KCNMB1: variants seen among roughly 807,000 people sequenced by gnomAD.
KCNMB1 encodes the protein potassium calcium-activated channel subfamily M regulatory beta subunit 1.
Under a neutral mutation model 21.7 loss-of-function variants are expected in KCNMB1, and 22 were observed. The ratio of observed to expected loss-of-function variants is 1.01; its 90% CI spans 0.72 to 1.45. The LOEUF is 1.45. KCNMB1 is among the 40% of genes most tolerant of loss of function. The probability of loss-of-function intolerance (pLI) is 0.00; values close to 1 mark genes in which losing one functional copy is unlikely to be tolerated. For missense variants in KCNMB1, 243 were observed against 243.4 expected (o/e 1.00, Z 0.01); for synonymous variants, 114 against 107.6 (o/e 1.06, Z -0.37).
At position 170,375,518 on chromosome 5, in the gene KCNMB1, C is replaced by CT. The variant is rs1449644529; in HGVS notation, c.*3185dup. 1 of 152,966 alleles carries CT rather than the reference C, an allele frequency of 6.5e-6. No homozygotes were observed. Among genetic ancestry groups the CT allele is most frequent in the East Asian group, 1.9e-4 (1 of 5,224 alleles). The allele number at this position is 152,966 out of a possible 1,614,324, so 9.5% of individuals were successfully genotyped here. A position where few individuals can be genotyped will look rare whatever the true frequency, so the allele number is the denominator to read the frequency against. On this transcript the variant is annotated 3_prime_UTR_variant, in exon 4 of 4. Transcript: ENST00000274629. ...GCAGCTCCCTGCCTGGCCCCTGTGG[C>CT]TTTGAGTGGCTGTGTCCCTCAGCCC...
chr5:170,387,388 T>C (rs567285421), intron 1 of KCNMB1, among the ~76,000 whole-genome samples: 2 of 152,268 alleles, frequency 1.3e-5, no homozygotes, highest in South Asian at 4.1e-4. Context: ...GTTTCAAATA[T>C]TCAGAGATTC....
chr5:170,388,054 T>G (rs1764557289), intron 1 of KCNMB1, among the ~76,000 whole-genome samples: 1 of 152,234 alleles, frequency 6.6e-6, no homozygotes, highest in Non-Finnish European at 1.5e-5. Flanking sequence ...CCTCCTCTGC[T>G]ATTTGGCTTC....
intron 2 of KCNMB1, among the ~76,000 whole-genome samples, chr5:170,384,406 T>C (rs1764381569): frequency 6.6e-6 from 1 of 152,156 alleles, no homozygotes; most frequent in African/African-American, 2.4e-5. Flanking sequence ...GGGGTTTGAG[T>C]TGAGCCAGGA....
intron 3 of KCNMB1, among the ~76,000 whole-genome samples, chr5:170,382,234 C>T (rs1764272374): frequency 6.6e-6 from 1 of 152,184 alleles, no homozygotes; most frequent in Non-Finnish European, 1.5e-5. Flanking sequence ...CCATTGCCAA[C>T]AGCAATAATT....
chr5:170,388,545 G>C (rs1239078714), intron 1 of KCNMB1, among the ~76,000 whole-genome samples: 1 of 152,236 alleles, frequency 6.6e-6, no homozygotes, highest in African/African-American at 2.4e-5. Flanking sequence ...TGAGATCTGG[G>C]ATAGATTCAG....
chr5:170,388,506 G>A (rs1475290923), intron 1 of KCNMB1, among the ~76,000 whole-genome samples: 2 of 152,202 alleles, frequency 1.3e-5, no homozygotes, highest in Non-Finnish European at 2.9e-5. Context: ...GAAGTTCCAG[G>A]ATATATCTTC....
chr5:170,383,587 C>T, intron 3 of KCNMB1, 92 bp downstream of exon 3: 1 of 1,435,634 alleles, frequency 7.0e-7, no homozygotes, highest in Non-Finnish European at 9.7e-7. Context: ...GTGGGTTGAT[C>T]TTTCTCAGCC....
intron 1 of KCNMB1, among the ~76,000 whole-genome samples, chr5:170,387,989 G>T (rs1185052383): frequency 6.6e-6 from 1 of 152,016 alleles, no homozygotes; most frequent in Non-Finnish European, 1.5e-5. Context: ...ACCTGTGGGG[G>T]CTTCCTGTGG....
At chr5:170,385,794 G>A (rs1025888140) in intron 1 of KCNMB1, among the ~76,000 whole-genome samples, 2 of 152,038 alleles carry the variant, frequency 1.3e-5, no homozygotes, top group African/African-American at 2.4e-5. Context: ...GTTACTTTAT[G>A]TGGCAATGAC....
chr5:170,385,313 C>A lies in KCNMB1; in HGVS notation c.134+1G>T. 1 of 1,614,080 alleles carries A rather than the reference C, an allele frequency of 6.2e-7. No individual in the cohort carries two copies. The highest frequency in any genetic ancestry group is 1.1e-5 in the South Asian group (1 of 91,082). On this transcript the variant is annotated splice_donor_variant, in intron 2 of 3. Transcript: ENST00000274629. LOFTEE classifies it high-confidence loss of function. Reference sequence around the variant, plus strand: ...GTGGGCAGGCCGGGAGAGCTCAGTACCTTTTCTGGTAGAGGGGCAGCACAG... The same window carrying A: ...GTGGGCAGGCCGGGAGAGCTCAGTAACTTTTCTGGTAGAGGGGCAGCACAG...
chr5:170,383,901 C>T, intron 2 of KCNMB1, 51 bp from the exon 3 acceptor site: 1 of 1,579,042 alleles, frequency 6.3e-7, no homozygotes, highest in South Asian at 1.1e-5. Flanking sequence ...CTGGGTGACA[C>T]ACAGAACACC....
intron 1 of KCNMB1, among the ~76,000 whole-genome samples, chr5:170,387,424 GC>G (rs1357121540): frequency 4.5e-4 from 69 of 152,256 alleles, no homozygotes; most frequent in African/African-American, 1.6e-3. Flanking sequence ...TAGCCAGGCT[GC>G]CCTCATACCC....
intron 2 of KCNMB1, 80 bp from the exon 3 acceptor site, chr5:170,383,930 C>G: frequency 6.8e-7 from 1 of 1,468,112 alleles, no homozygotes; most frequent in Non-Finnish European, 9.3e-7. Flanking sequence ...CCCATTATCC[C>G]CTGGGAGCCT....
intron 1 of KCNMB1, among the ~76,000 whole-genome samples, chr5:170,387,266 T>C (rs1034280298): frequency 6.6e-6 from 1 of 152,078 alleles, no homozygotes; most frequent in African/African-American, 2.4e-5. Flanking sequence ...AATAAACATA[T>C]TATGGTTTTT....
At chr5:170,381,141 C>T (rs1311318913) in intron 3 of KCNMB1, among the ~76,000 whole-genome samples, 2 of 152,206 alleles carry the variant, frequency 1.3e-5, no homozygotes, top group African/African-American at 4.8e-5. Context: ...CAGGGTTCCT[C>T]TGGATCTTTT....
Position 170,378,960 on chromosome 5 carries a change from G to A in KCNMB1, c.320C>T (p.Pro107Leu), listed in dbSNP as rs370206070. ...RDQNQQCSYI[P>L]GSVDNYQTAR... ...CGTCTGGTAATTGTCCACGCTGCCT[G>A]GGATGTAGGAGCACTGTGGGGAGAA... is the stretch of plus-strand genomic sequence containing the variant. The change falls in exon 4 of 4, where the codon CCA becomes CTA. Residue 107 changes from proline (P) to leucine (L), a missense_variant. By Grantham distance (98) the Pro-to-Leu change is moderately conservative. Coordinates refer to ENST00000274629, the MANE Select transcript of KCNMB1 (RefSeq NM_004137.4). 95 of 1,613,922 alleles carry A rather than the reference G, an allele frequency of 5.9e-5. No homozygotes were observed. In the Admixed American group the frequency reaches 9.0e-4, roughly 15 times the overall value.
chr5:170,380,810 G>A (rs1250365343), intron 3 of KCNMB1, among the ~76,000 whole-genome samples: 3 of 152,144 alleles, frequency 2.0e-5, no homozygotes, highest in Non-Finnish European at 4.4e-5. Context: ...AGTCAGACAG[G>A]CCTGAGTTCT....
At chr5:170,381,552 T>C (rs1255274924) in intron 3 of KCNMB1, among the ~76,000 whole-genome samples, 4 of 152,194 alleles carry the variant, frequency 2.6e-5, no homozygotes, top group Non-Finnish European at 5.9e-5. Context: ...ACAACCCAGC[T>C]GCTTGGCAAA....
In KCNMB1 at chr5:170,383,934, G is replaced by C. The variant is rs1405952820; in HGVS notation, c.135-84C>G. 4.1e-6 allele frequency: 6 copies of C among 1,448,580 alleles called. No homozygotes were observed. In the African/African-American group the frequency reaches 8.4e-5, roughly 20 times the overall value. The allele number at this position is 1,448,580 out of a possible 1,614,324, so 89.7% of individuals were successfully genotyped here. A position where few individuals can be genotyped will look rare whatever the true frequency, so the allele number is the denominator to read the frequency against. ...ACCCATTTGAACCCATTATCCCCTG[G>C]GAGCCTCTAGAGGGATCCAGGACTG... is the stretch of plus-strand genomic sequence containing the variant. On this transcript the variant is annotated intron_variant, in intron 2 of 3. Transcript: ENST00000274629.
Sources: allele counts gnomAD v4.1 joint callset (sites outside exome capture counted in the v4.1 genomes callset), GRCh38; gene constraint gnomAD v4.1.1; transcripts MANE v1.5; gene names NCBI Gene and HGNC (gene_info 2026-07-23, HGNC 2026-07-21).